Variants in DAB1 observed in about 807,000 individuals in gnomAD.
DAB1 encodes the protein disabled homolog 1.
In DAB1, 15 loss-of-function variants were observed where a neutral mutation model predicts 64.6. The ratio of observed to expected loss-of-function variants is 0.23; its 90% confidence interval spans 0.16 to 0.36. DAB1 has a LOEUF of 0.36. Among genes scored for constraint, DAB1 ranks in the 10% least tolerant of loss-of-function variants. The pLI, the probability that DAB1 is intolerant of heterozygous loss-of-function variation, is 1.00. For synonymous variants in DAB1, 235 were observed against 251.9 expected (o/e 0.93, Z 0.64); for missense variants, 596 against 706.7 (o/e 0.84, Z 1.78).
intron 9 of DAB1, among the ~76,000 whole-genome samples, chr1:57,056,692 C>A (rs1040923603): frequency 6.6e-6 from 1 of 151,256 alleles, no homozygotes; most frequent in African/African-American, 2.4e-5. Context: ...TGGTGAAACC[C>A]ATCTCTACTA....
intron 4 of DAB1, among the ~76,000 whole-genome samples, chr1:58,173,123 G>T (rs1213909883): frequency 6.6e-6 from 1 of 152,242 alleles, no homozygotes; most frequent in Non-Finnish European, 1.5e-5. Flanking sequence ...CCTACAGAAG[G>T]ATGCTTGGTA....
chr1:58,197,584 T>C (rs1480960914), intron 4 of DAB1, among the ~76,000 whole-genome samples: 2 of 151,936 alleles, frequency 1.3e-5, no homozygotes, highest in Non-Finnish European at 2.9e-5. Flanking sequence ...TTAGTAGAGA[T>C]GAGGTTTCAC....
chr1:58,290,521 T>C (rs1464343380), intron 4 of DAB1, among the ~76,000 whole-genome samples: 1 of 152,196 alleles, frequency 6.6e-6, no homozygotes, highest in East Asian at 1.9e-4. Context: ...CTAAGGACTT[T>C]ACACACATTA....
chr1:58,447,450 T>G (rs1055252279), intron 3 of DAB1, among the ~76,000 whole-genome samples: 2 of 152,166 alleles, frequency 1.3e-5, no homozygotes, highest in Non-Finnish European at 2.9e-5. Context: ...CTATTGATAT[T>G]CATGTATTAA....
chr1:57,169,835 C>T (rs1477939854), intron 2 of DAB1, among the ~76,000 whole-genome samples: 1 of 152,022 alleles, frequency 6.6e-6, no homozygotes, highest in African/African-American at 2.4e-5. Flanking sequence ...TCCTACCCTG[C>T]TCCTCAGCCA....
intron 2 of DAB1, among the ~76,000 whole-genome samples, chr1:57,152,247 T>C (rs1659757761): frequency 6.6e-6 from 1 of 152,184 alleles, no homozygotes; most frequent in Admixed American, 6.5e-5. Flanking sequence ...ACCACATCCT[T>C]AACACTTTCC....
At chr1:58,153,393 C>T (rs115770797) in intron 4 of DAB1, among the ~76,000 whole-genome samples, 167 of 152,272 alleles carry the variant, frequency 1.1e-3, no homozygotes, top group African/African-American at 3.9e-3. Flanking sequence ...AGGTCATACC[C>T]AGGCTGCTGT....
chr1:57,710,942 G>A (rs1398100772), intron 6 of DAB1, among the ~76,000 whole-genome samples: 1 of 152,132 alleles, frequency 6.6e-6, no homozygotes, highest in East Asian at 1.9e-4. Flanking sequence ...GGAGGGTCAG[G>A]GAGGCAGCTG....
intron 1 of DAB1, among the ~76,000 whole-genome samples, chr1:57,401,811 C>T (rs1683264800): frequency 6.6e-6 from 1 of 152,192 alleles, no homozygotes; most frequent in Non-Finnish European, 1.5e-5. Context: ...GGCTTCATTT[C>T]CTTTGCCTGC....
chr1:57,012,481 C>T (rs367586309), intron 12 of DAB1, among the ~76,000 whole-genome samples: 1 of 152,174 alleles, frequency 6.6e-6, no homozygotes, highest in East Asian at 1.9e-4. Context: ...TTTAACAGAG[C>T]TCTGTCTGAC....
At chr1:57,807,899 A>G (rs1651439881) in intron 6 of DAB1, among the ~76,000 whole-genome samples, 2 of 152,000 alleles carry the variant, frequency 1.3e-5, no homozygotes, top group South Asian at 4.2e-4. Flanking sequence ...TCTCTTCCTT[A>G]TGATTTTCTT....
chr1:58,416,038 T>C (rs1009005658), intron 3 of DAB1, among the ~76,000 whole-genome samples: 1 of 152,196 alleles, frequency 6.6e-6, no homozygotes, highest in African/African-American at 2.4e-5. Context: ...CTTCTGTTTT[T>C]TGCCCATATC....
intron 5 of DAB1, among the ~76,000 whole-genome samples, chr1:58,012,535 T>A (rs1468976464): frequency 4.6e-5 from 7 of 152,116 alleles, no homozygotes. Flanking sequence ...CAAACATATG[T>A]TTAAATTCTA....
intron 6 of DAB1, among the ~76,000 whole-genome samples, chr1:57,698,261 C>T (rs1646868418): frequency 2.3e-5 from 3 of 128,422 alleles, no homozygotes; most frequent in Admixed American, 7.6e-5. Flanking sequence ...AACTTTTAAA[C>T]ATTTTTTTTT....
intron 7 of DAB1, among the ~76,000 whole-genome samples, chr1:57,545,889 A>G (rs1644850918): frequency 6.6e-6 from 1 of 152,198 alleles, no homozygotes; most frequent in South Asian, 2.1e-4. Flanking sequence ...ATTGAAATGA[A>G]TATTTGTATA....
chr1:58,535,413 G>A (rs148911557), intron 1 of DAB1, among the ~76,000 whole-genome samples: 12 of 151,990 alleles, frequency 7.9e-5, no homozygotes, highest in Admixed American at 3.3e-4. Context: ...TGGCCAACAC[G>A]GATGAAACCC....
At chr1:58,381,895 CAAAGAAGTGAGACTGAATGACACCAT>C (rs1644393126) in intron 3 of DAB1, among the ~76,000 whole-genome samples, 2 of 101,192 alleles carry the variant, frequency 2.0e-5, no homozygotes, top group South Asian at 7.1e-4. Flanking sequence ...ATGACACCAT[CAAAGAAGTGAGACTGAATGACACCAT>C]CAAAGAAGTG....
intron 1 of DAB1, chr1:58,539,043 A>G (rs756525829): frequency 3.4e-6 from 3 of 872,908 alleles, no homozygotes; most frequent in Non-Finnish European, 6.0e-6. Flanking sequence ...TACTTTTGGT[A>G]CTTGAGAGGC....
intron 5 of DAB1, among the ~76,000 whole-genome samples, chr1:58,132,330 A>G (rs937318082): frequency 4.2e-4 from 64 of 152,018 alleles, no homozygotes; most frequent in Non-Finnish European, 7.9e-4. Flanking sequence ...CGCACGGTGC[A>G]CGCACCCACT....
Sources: gnomAD v4.1 joint callset for allele counts (sites outside exome capture counted in the v4.1 genomes callset) on GRCh38, gnomAD v4.1.1 for gene constraint, MANE v1.5 for transcripts, NCBI Gene and HGNC (gene_info 2026-07-23, HGNC 2026-07-21) for gene names.